Variants in SCRN1 observed in about 807,000 individuals in gnomAD.
SCRN1 encodes the protein secernin 1, also known as secernin-1.
SCRN1 carries 19 observed loss-of-function variants against 43.3 expected under a neutral mutation model. The observed-to-expected ratio is 0.44, with a 90% CI of 0.31 to 0.64. The LOEUF is 0.64. Ranked by LOEUF, SCRN1 falls within the 30% of genes least tolerant of loss-of-function variation. The probability of loss-of-function intolerance (pLI) is 0.09; values close to 1 mark genes in which losing one functional copy is unlikely to be tolerated. For synonymous variants in SCRN1, 183 were observed against 188.9 expected (o/e 0.97, Z 0.26); for missense variants, 447 against 524.1 (o/e 0.85, Z 1.44).
intron 1 of SCRN1, among the ~76,000 whole-genome samples, chr7:29,979,105 C>T (rs1788920502): frequency 6.6e-6 from 1 of 152,186 alleles, no homozygotes; most frequent in Non-Finnish European, 1.5e-5. Flanking sequence ...TGGCTGACGC[C>T]TGTAATCCCA....
intron 5 of SCRN1, 131 bp from the exon 6 acceptor site, chr7:29,936,852 C>A (rs1583656918): frequency 3.5e-6 from 2 of 569,902 alleles, no homozygotes; most frequent in Non-Finnish European, 5.4e-6. Flanking sequence ...CGCGACCATC[C>A]TGCATAACAC....
chr7:29,963,411 G>C (rs1583683742), intron 2 of SCRN1, among the ~76,000 whole-genome samples: 1 of 152,164 alleles, frequency 6.6e-6, no homozygotes, highest in South Asian at 2.1e-4. Context: ...GAGAGGAGGG[G>C]AGAAGAAGGA....
At chr7:29,978,693 G>A (rs1446651279) in intron 1 of SCRN1, among the ~76,000 whole-genome samples, 5 of 152,236 alleles carry the variant, frequency 3.3e-5, no homozygotes, top group Non-Finnish European at 5.9e-5. Context: ...AGAAAGAGTT[G>A]CATGAAAGTA....
rs374521916 is a variant in SCRN1, at chr7:29,944,361, G to A, written c.342-182C>T. Among the ~76,000 whole-genome samples, 160 of 152,236 alleles carry A rather than the reference G, an allele frequency of 1.1e-3. 2 individuals carry two copies. The South Asian group carries it at 0.032, about 31-fold the overall frequency. On this transcript the variant is annotated intron_variant, in intron 3 of 7. Coordinates refer to ENST00000242059, the MANE Select transcript of SCRN1 (RefSeq NM_014766.5). ...GTATCCCAGAACACACTTCTCACAT[G>A]TTTGCTTAAAAAACCATATGGGGTG...
chr7:29,990,244 G>C (rs1217510612), upstream of SCRN1: 1 of 1,551,606 alleles, frequency 6.4e-7, no homozygotes, highest in African/African-American at 1.4e-5. Context: ...GTACCATGTT[G>C]GTAAGCCAGA....
chr7:29,990,110 C>A (rs1789320716), upstream of SCRN1: 4 of 1,549,436 alleles, frequency 2.6e-6, no homozygotes, highest in South Asian at 4.8e-5. Flanking sequence ...GCGCCTCTTC[C>A]CGACGTTTGG....
intron 2 of SCRN1, among the ~76,000 whole-genome samples, chr7:29,964,330 T>G (rs931557636): frequency 6.6e-6 from 1 of 152,120 alleles, no homozygotes; most frequent in Non-Finnish European, 1.5e-5. Flanking sequence ...TATTGTTCAG[T>G]GATAAAAAGA....
At chr7:29,969,982 A>C (rs1583690286) in intron 1 of SCRN1, 1 of 413,762 alleles carries the variant, frequency 2.4e-6, no homozygotes, top group Non-Finnish European at 4.9e-6. Context: ...CTCTATGGAA[A>C]CCTCCCACTC....
chr7:29,946,193 G>C (rs1367046999), intron 3 of SCRN1, among the ~76,000 whole-genome samples: 1 of 152,186 alleles, frequency 6.6e-6, no homozygotes, highest in Non-Finnish European at 1.5e-5. Flanking sequence ...AGGGATAAAA[G>C]AACAAACCCA....
chr7:29,941,241 A>G (rs1787536993), intron 4 of SCRN1, among the ~76,000 whole-genome samples: 1 of 152,202 alleles, frequency 6.6e-6, no homozygotes, highest in Admixed American at 6.5e-5. Context: ...CTGAGCTAAC[A>G]AGACTTAGCA....
chr7:29,949,287 C>T (rs1166551286), intron 3 of SCRN1, among the ~76,000 whole-genome samples: 1 of 150,448 alleles, frequency 6.6e-6, no homozygotes. Flanking sequence ...TGCACTCCAG[C>T]CTGGGTGACA....
chr7:29,926,304 C>T (rs550425970), intron 7 of SCRN1, 148 bp downstream of exon 7: 1 of 746,434 alleles, frequency 1.3e-6, no homozygotes, highest in Non-Finnish European at 2.1e-6. Context: ...CTAGGAAAGG[C>T]CCCAGGAACC....
At position 29,936,725 on chromosome 7, in the gene SCRN1, C is replaced by A; in HGVS notation, c.740-4G>T. 6.6e-7 allele frequency: 1 copy of A among 1,523,334 alleles called. No homozygotes were observed. Among genetic ancestry groups the A allele is most frequent in the South Asian group, 1.3e-5 (1 of 77,088 alleles). The allele number at this position is 1,523,334 out of a possible 1,614,324, so 94.4% of individuals were successfully genotyped here. A position where few individuals can be genotyped will look rare whatever the true frequency, so the allele number is the denominator to read the frequency against. ...ATAGTCTGCACTGTGATGCTTTCTG[C>A]AAAAACACAAAAGACAGACAAATGG... is the stretch of plus-strand genomic sequence containing the variant. On this transcript the variant is annotated splice_region_variant and splice_polypyrimidine_tract_variant and intron_variant, in intron 5 of 7. Transcript: ENST00000242059.
intron 1 of SCRN1, among the ~76,000 whole-genome samples, chr7:29,969,635 C>A (rs1788607198): frequency 6.6e-6 from 1 of 152,220 alleles, no homozygotes; most frequent in African/African-American, 2.4e-5. Context: ...ACCTCCCCAG[C>A]TGCTCCTGGA....
intron 2 of SCRN1, among the ~76,000 whole-genome samples, chr7:29,956,983 A>G (rs1294482265): frequency 2.0e-5 from 3 of 152,226 alleles, no homozygotes; most frequent in African/African-American, 4.8e-5. Flanking sequence ...GCATTGACCA[A>G]CACTTTCCAA....
At chr7:29,985,909 C>T (rs1396716544) in intron 1 of SCRN1, among the ~76,000 whole-genome samples, 1 of 152,214 alleles carries the variant, frequency 6.6e-6, no homozygotes, top group Non-Finnish European at 1.5e-5. Flanking sequence ...TGAGCTCAGC[C>T]ACCCTCCAGT....
intron 6 of SCRN1, among the ~76,000 whole-genome samples, chr7:29,927,750 G>T (rs1038740389): frequency 1.3e-5 from 2 of 152,196 alleles, no homozygotes; most frequent in Non-Finnish European, 2.9e-5. Context: ...CTAGGATGTT[G>T]ATTCCCTCAG....
intron 6 of SCRN1, 82 bp from the exon 7 acceptor site, chr7:29,926,714 CA>C: frequency 2.7e-6 from 3 of 1,124,432 alleles, no homozygotes; most frequent in East Asian, 3.1e-5. Flanking sequence ...ATTCAGCAAA[CA>C]TTTCCCAAGC....
chr7:29,934,465 C>T (rs982289990), intron 6 of SCRN1, among the ~76,000 whole-genome samples: 1 of 152,184 alleles, frequency 6.6e-6, no homozygotes, highest in Non-Finnish European at 1.5e-5. Flanking sequence ...AAAAGCCATG[C>T]CCAAATACTT....
Sources: gnomAD v4.1 joint callset for allele counts (sites outside exome capture counted in the v4.1 genomes callset) on GRCh38, gnomAD v4.1.1 for gene constraint, MANE v1.5 for transcripts, NCBI Gene and HGNC (gene_info 2026-07-23, HGNC 2026-07-21) for gene names.